Variants in NSD1 observed in about 807,000 individuals in gnomAD.
The protein encoded by NSD1 is histone-lysine N-methyltransferase, H3 lysine-36 specific.
NSD1 carries 26 observed loss-of-function variants against 242.7 expected under a neutral mutation model. The ratio of observed to expected loss-of-function variants is 0.11; its 90% CI spans 0.08 to 0.15. NSD1 has a LOEUF of 0.15. Ranked by LOEUF, NSD1 falls within the 10% of genes least tolerant of loss-of-function variation. NSD1 has a pLI of 1.00. For synonymous variants in NSD1, 1,106 were observed against 1,178.1 expected (o/e 0.94, Z 1.25); for missense variants, 2,495 against 3,272.8 (o/e 0.76, Z 5.80).
At chr5:177,280,483 G>A in intron 17 of NSD1, 82 bp from the exon 18 acceptor site, 1 of 1,543,060 alleles carries the variant, frequency 6.5e-7, no homozygotes, top group Non-Finnish European at 9.0e-7. Flanking sequence ...CAACTTCAAG[G>A]AAAAAAAGTT....
chr5:177,251,807 G>C lies in NSD1; in HGVS notation c.4719G>C (p.Leu1573Phe). ...CGAFHLECLG[L>F]TEMPRGKFIC... ...CTTTCCACCTGGAGTGCCTTGGATT[G>C]ACTGAGATGCCAAGAGGAAAATTTA... Residue 1573 changes from leucine to phenylalanine, a missense_variant, in exon 12 of 23, where the codon TTG becomes TTC. Around this residue, in one of 19 missense-constraint regions of NSD1, gnomAD observed 27 missense variants for 43.1 expected, o/e 0.63. Transcript: ENST00000439151. 1 of 1,614,178 alleles carries C rather than the reference G, an allele frequency of 6.2e-7. No homozygotes were observed. The highest frequency in any genetic ancestry group is 1.3e-5 in the African/African-American group (1 of 75,050).
At chr5:177,254,763 A>G (rs549734580) in intron 12 of NSD1, among the ~76,000 whole-genome samples, 2 of 143,242 alleles carry the variant, frequency 1.4e-5, no homozygotes, top group South Asian at 4.5e-4. Flanking sequence ...TTAGTTTCAC[A>G]TTTCACTATT....
Position 177,244,175 on chromosome 5 carries a change from T to C in NSD1, c.4303-20T>C. On this transcript the variant is annotated intron_variant, in intron 8 of 22. Transcript: ENST00000439151. Reference sequence around the variant, plus strand: ...TTTTTTCATTCCTCTGTAAATGGTGTTGTTTTCACTTATTTATAGTGCTAT... The same window carrying C: ...TTTTTTCATTCCTCTGTAAATGGTGCTGTTTTCACTTATTTATAGTGCTAT... The C allele has an allele frequency of 6.4e-7, 1 of 1,565,770 alleles. No homozygotes were observed. The highest frequency in any genetic ancestry group is 8.8e-7 in the Non-Finnish European group (1 of 1,136,948).
chr5:177,251,264 G>A (rs1316363141), intron 11 of NSD1, among the ~76,000 whole-genome samples: 1 of 152,046 alleles, frequency 6.6e-6, no homozygotes, highest in Non-Finnish European at 1.5e-5. Context: ...CTAAGCGCCT[G>A]TCTTAAGTGA....
intron 2 of NSD1, among the ~76,000 whole-genome samples, chr5:177,160,583 G>A (rs1758669531): frequency 6.6e-6 from 1 of 151,954 alleles, no homozygotes; most frequent in Non-Finnish European, 1.5e-5. Flanking sequence ...GATTACAGGA[G>A]TGAGCCACTG....
chr5:177,291,960 C>T lies in NSD1; in HGVS notation c.6265C>T (p.Pro2089Ser), dbSNP rs749927873. 4 of 1,613,564 alleles carry T rather than the reference C, an allele frequency of 2.5e-6. No homozygotes were observed. The East Asian group carries it at 8.9e-5, about 36-fold the overall frequency. Residue 2089 changes from proline (P) to serine (S), a missense_variant, in exon 22 of 23, where the codon CCC (proline) becomes TCC (serine). Around this residue, in one of 19 missense-constraint regions of NSD1, gnomAD observed 26 missense variants for 119.1 expected, o/e 0.22. Coordinates refer to ENST00000439151, the MANE Select transcript of NSD1 (RefSeq NM_022455.5). ...TTCAATATCTGACCTGTAGAATCAA[C>T]CCATTGCCACGGAAGAAAAGTCAAA... Reference protein sequence around the residue: ...GFLGVRPKNQPIATEEKSKKF... With the variant: ...GFLGVRPKNQSIATEEKSKKF...
intron 2 of NSD1, among the ~76,000 whole-genome samples, chr5:177,172,510 T>C (rs946193492): frequency 6.6e-6 from 1 of 152,180 alleles, no homozygotes; most frequent in African/African-American, 2.4e-5. Context: ...ATGGTTTTTA[T>C]CATATGATAC....
At position 177,209,527 on chromosome 5, in the gene NSD1, T is replaced by TC. The variant is rs1167582055; in HGVS notation, c.1237-108dup. 81 of 731,812 alleles carry TC rather than the reference T, an allele frequency of 1.1e-4. No individual in the cohort carries two copies. In the African/African-American group the frequency reaches 1.9e-3, roughly 17 times the overall value. The allele number at this position is 731,812 out of a possible 1,614,324, so 45.3% of individuals were successfully genotyped here. On this transcript the variant is annotated intron_variant, in intron 4 of 22. Coordinates refer to ENST00000439151, the MANE Select transcript of NSD1 (RefSeq NM_022455.5). The stretch of plus-strand genomic sequence containing the variant: ...CTGGGCGACAGAGCAAGACTCTGTC[T>TC]CAAAAAAAAAAAAAAAAGGAATAAA...
At chr5:177,200,737 C>T (rs1762450952) in intron 3 of NSD1, among the ~76,000 whole-genome samples, 1 of 151,666 alleles carries the variant, frequency 6.6e-6, no homozygotes, top group African/African-American at 2.4e-5. Context: ...GAATTTCTTT[C>T]TCTCTCTCTC....
chr5:177,141,793 C>T (rs182952537), intron 2 of NSD1, among the ~76,000 whole-genome samples: 2 of 152,152 alleles, frequency 1.3e-5, no homozygotes, highest in Non-Finnish European at 2.9e-5. Context: ...TAAGCTGCTC[C>T]TCTACCTTGT....
intron 5 of NSD1, among the ~76,000 whole-genome samples, chr5:177,232,444 T>G: frequency 6.6e-6 from 1 of 152,162 alleles, no homozygotes. Flanking sequence ...ATACCACAAG[T>G]GGAAAATTCC....
intron 2 of NSD1, among the ~76,000 whole-genome samples, chr5:177,166,889 G>A (rs1005505574): frequency 5.9e-5 from 9 of 151,598 alleles, no homozygotes; most frequent in African/African-American, 2.2e-4. Flanking sequence ...TTACAGTCAC[G>A]TGCCACCATG....
chr5:177,270,651 T>C (rs115677835), intron 16 of NSD1, among the ~76,000 whole-genome samples: 2,556 of 152,328 alleles, frequency 0.017, 31 homozygotes, highest in Non-Finnish European at 0.027. Context: ...GTAAACCAAT[T>C]GTTAACATGA....
At chr5:177,206,512 C>T (rs1475474590) in intron 4 of NSD1, among the ~76,000 whole-genome samples, 1 of 152,156 alleles carries the variant, frequency 6.6e-6, no homozygotes, top group African/African-American at 2.4e-5. Flanking sequence ...CCACTTAACA[C>T]TTGAGTTCTC....
Position 177,260,009 on chromosome 5 carries a change from C to T in NSD1, c.4987C>T (p.Arg1663Cys), listed in dbSNP as rs587784134. Residue 1663 changes from arginine (R) to cysteine (C), a missense_variant, in exon 14 of 23, where the codon CGC (arginine) becomes TGC (cysteine). Physicochemically the swap from Arg to Cys is radical, Grantham distance 180. Coordinates refer to ENST00000439151, the MANE Select transcript of NSD1 (RefSeq NM_022455.5). Reference sequence around the variant, plus strand: ...TTTAGGTCGGTTGATGCGCTGTGTCCGCTGTCCTGTGGCATACCACGCCAA... The same window carrying T: ...TTTAGGTCGGTTGATGCGCTGTGTCTGCTGTCCTGTGGCATACCACGCCAA... ...ASKGRLMRCV[R>C]CPVAYHANDF... 1.2e-6 allele frequency: 2 copies of T among 1,614,014 alleles called. No homozygotes were observed. The highest frequency in any genetic ancestry group is 1.7e-5 in the Admixed American group (1 of 60,016).
At position 177,277,913 on chromosome 5, in the gene NSD1, G is replaced by C. The variant is rs370848294; in HGVS notation, c.5623-2652G>C. Reference sequence around the variant, plus strand: ...ATGAACCTTTATGTGTATTTGGGAAGGGTTCAAGTAAAAATATTTCGAATC... The same window carrying C: ...ATGAACCTTTATGTGTATTTGGGAACGGTTCAAGTAAAAATATTTCGAATC... On this transcript the variant is annotated intron_variant, in intron 17 of 22. Coordinates refer to ENST00000439151, the MANE Select transcript of NSD1 (RefSeq NM_022455.5). 1.4e-4 allele frequency among the ~76,000 whole-genome samples: 22 copies of C among 152,288 alleles called. No homozygotes were observed. The East Asian group carries it at 3.3e-3, about 23-fold the overall frequency.
rs28932175 is a variant in NSD1 at position 177,135,811 on chromosome 5, G to C, written c.708G>C (p.Gln236His). Residue 236 changes from glutamine to histidine, a missense_variant, in exon 2 of 23, where the codon CAG (glutamine) becomes CAC (histidine). By Grantham distance (24) the Gln-to-His change is conservative (BLOSUM62 0). This residue lies in a region of NSD1 where 376 missense variants were observed against 367.4 expected (regional missense o/e 1.02). Transcript: ENST00000439151. ...CATTAGCTCCTCAGACTGAAACACA[G>C]AAAAATAAGCAAAGAAATGAAGTGG... ...FLPLAPQTET[Q>H]KNKQRNEVDG... 8.4e-5 allele frequency: 135 copies of C among 1,608,150 alleles called. No individual in the cohort carries two copies. The highest frequency in any genetic ancestry group is 7.4e-4 in the South Asian group (67 of 90,634).
At chr5:177,156,150 G>A (rs1213942862) in intron 2 of NSD1, among the ~76,000 whole-genome samples, 2 of 145,992 alleles carry the variant, frequency 1.4e-5, no homozygotes, top group African/African-American at 2.6e-5. Context: ...TTATTCCTCC[G>A]TACTCTTCCC....
rs780771643 is a variant in NSD1, at chr5:177,285,904, C to T, written c.6151+1976C>T. ...GTTTTTGTGTGTGTTTGTTTGCTTG[C>T]TTGTTTGTTGAAACGGAGTCTCGCT... On this transcript the variant is annotated intron_variant, in intron 20 of 22. Coordinates refer to ENST00000439151, the MANE Select transcript of NSD1 (RefSeq NM_022455.5). 7.9e-5 allele frequency among the ~76,000 whole-genome samples: 12 copies of T among 152,138 alleles called. 1 individual carries two copies. Among genetic ancestry groups the T allele is most frequent in the Non-Finnish European group, 1.5e-4 (10 of 67,982 alleles).
Sources: gnomAD v4.1 joint callset for allele counts (sites outside exome capture counted in the v4.1 genomes callset) on GRCh38, gnomAD v4.1.1 for gene constraint, gnomAD v4.1.1 regional missense constraint, MANE v1.5 for transcripts, NCBI Gene and HGNC (gene_info 2026-07-23, HGNC 2026-07-21) for gene names.